The following HDLBP variants were observed in gnomAD, a reference collection of about 807,000 sequenced individuals.
The protein encoded by HDLBP is vigilin.
A neutral mutation model predicts 137.3 loss-of-function variants in HDLBP; 30 were observed. The ratio of observed to expected loss-of-function variants is 0.22; its 90% CI spans 0.16 to 0.30. The LOEUF is 0.30. Among genes scored for constraint, HDLBP ranks in the 10% least tolerant of loss-of-function variants. The pLI is 1.00. For missense variants in HDLBP, 1,119 were observed against 1,667.3 expected (o/e 0.67, Z 5.73); for synonymous variants, 606 against 596.0 (o/e 1.02, Z -0.24).
rs574871301 is a variant in HDLBP at position 241,284,742 on chromosome 2, G to A, written c.-102-16201C>T. ...CATTGTTGTCTGATTTTACAAAATT[G>A]CCAGTCACCCCAACATGTAGCAACC... On this transcript the variant is annotated intron_variant, in intron 1 of 27. Transcript: ENST00000310931. Among the ~76,000 whole-genome samples the A allele has an allele frequency of 4.6e-5, 7 of 152,270 alleles. No homozygotes were observed. In the South Asian group the frequency reaches 1.5e-3, roughly 32 times the overall value.
chr2:241,302,962 C>A (rs2075441636), intron 1 of HDLBP, among the ~76,000 whole-genome samples: 1 of 152,212 alleles, frequency 6.6e-6, no homozygotes, highest in Non-Finnish European at 1.5e-5. Context: ...TCACAGTGCC[C>A]TACCAATGCC....
chr2:241,256,411 G>A lies in HDLBP; in HGVS notation c.658-12C>T, dbSNP rs2072615208. The A allele has an allele frequency of 1.9e-6, 3 of 1,595,376 alleles. No individual in the cohort carries two copies. The highest frequency in any genetic ancestry group is 1.3e-5 in the African/African-American group (1 of 74,776). On this transcript the variant is annotated splice_polypyrimidine_tract_variant and intron_variant, in intron 6 of 27. Transcript: ENST00000310931. ...ACAGCACGTTTGTCCTGGAAAGGAAGGGATGATCTGATGAGAACAGGCCTT... is the reference window on the plus strand; with the variant it reads ...ACAGCACGTTTGTCCTGGAAAGGAAAGGATGATCTGATGAGAACAGGCCTT...
chr2:241,284,592 A>G (rs2074735584), intron 1 of HDLBP, among the ~76,000 whole-genome samples: 3 of 152,250 alleles, frequency 2.0e-5, no homozygotes, highest in Admixed American at 6.5e-5. Flanking sequence ...TGATAAAGCA[A>G]TGGCAGTGTT....
intron 23 of HDLBP, among the ~76,000 whole-genome samples, chr2:241,234,663 C>T (rs73013902): frequency 0.018 from 2,739 of 152,344 alleles, 48 homozygotes; most frequent in Non-Finnish European, 0.027. Flanking sequence ...CAGCGCTCCG[C>T]TCATACAATC....
At position 241,253,162 on chromosome 2, in the gene HDLBP, C is replaced by T. The variant is rs368183699; in HGVS notation, c.1294-127G>A. The T allele has an allele frequency of 4.2e-5, 29 of 683,270 alleles. No individual in the cohort carries two copies. In the East Asian group the frequency reaches 7.2e-4, roughly 17 times the overall value. The allele number at this position is 683,270 out of a possible 1,614,324, so 42.3% of individuals were successfully genotyped here. On this transcript the variant is annotated intron_variant, in intron 10 of 27. Transcript: ENST00000310931. ...GCTGTCAGGAATTGTTGGAGACTGC[C>T]CCTGCATCTCCCCTGAAAGATGCCT...
At position 241,266,876 on chromosome 2, in the gene HDLBP, T is replaced by C; in HGVS notation, c.-7A>G. On this transcript the variant is annotated 5_prime_UTR_variant, in exon 3 of 28. Coordinates refer to ENST00000310931, the MANE Select transcript of HDLBP (RefSeq NM_005336.6). ...AAACTGCAACGGAACTCATGGTTGA[T>C]CTCACACCTACACACAATCCGGGAA... 6.2e-7 allele frequency: 1 copy of C among 1,614,012 alleles called. No homozygotes were observed. The highest frequency in any genetic ancestry group is 8.5e-7 in the Non-Finnish European group (1 of 1,179,884).
At chr2:241,266,672 C>T in intron 3 of HDLBP, 122 bp downstream of exon 3, 1 of 717,772 alleles carries the variant, frequency 1.4e-6, no homozygotes, top group Non-Finnish European at 2.5e-6. Context: ...ATGTTGGACC[C>T]TCCCTGCCCC....
chr2:241,265,998 A>C (rs1356630104), intron 3 of HDLBP, among the ~76,000 whole-genome samples: 1 of 152,240 alleles, frequency 6.6e-6, no homozygotes, highest in African/African-American at 2.4e-5. Flanking sequence ...TATTTTAATT[A>C]ATTTTAAGAA....
intron 2 of HDLBP, among the ~76,000 whole-genome samples, 180 bp from the exon 3 acceptor site, chr2:241,267,086 G>A (rs766346028): frequency 9.2e-5 from 14 of 152,112 alleles, no homozygotes; most frequent in African/African-American, 2.9e-4. Flanking sequence ...TGATAAAAAG[G>A]GGGGAAAATG....
At chr2:241,304,292 T>C (rs1471900422) in intron 1 of HDLBP, among the ~76,000 whole-genome samples, 2 of 152,234 alleles carry the variant, frequency 1.3e-5, no homozygotes, top group African/African-American at 4.8e-5. Flanking sequence ...TGGCTTCACG[T>C]GTAACCCAGG....
chr2:241,249,153 T>C (rs1191775181), intron 12 of HDLBP, among the ~76,000 whole-genome samples: 4 of 152,090 alleles, frequency 2.6e-5, no homozygotes, highest in South Asian at 2.1e-4. Context: ...CTCAGGGCTA[T>C]AAAAGAGGTC....
rs369324635 is a variant in HDLBP, at chr2:241,298,235, G to A, written c.-103+17335C>T. On this transcript the variant is annotated intron_variant, in intron 1 of 27. Transcript: ENST00000310931. ...CAGAAAATTAGCTGGGCGTGGTGGC[G>A]CGTGCCTGTAATCTCAGCTACTCAG... Among the ~76,000 whole-genome samples the A allele has an allele frequency of 2.0e-5, 3 of 151,822 alleles. No homozygotes were observed. The South Asian group carries it at 6.2e-4, about 32-fold the overall frequency.
chr2:241,274,331 T>C (rs908597533), intron 1 of HDLBP, among the ~76,000 whole-genome samples: 20 of 152,028 alleles, frequency 1.3e-4, no homozygotes, highest in African/African-American at 4.8e-4. Context: ...AAGGATATCA[T>C]CAGCAAAGCC....
chr2:241,273,618 T>C (rs1160207573), intron 1 of HDLBP: 22 of 985,226 alleles, frequency 2.2e-5, no homozygotes, highest in Non-Finnish European at 2.4e-5. Context: ...TGTAGAGATG[T>C]CAGTCTGAAC....
intron 3 of HDLBP, chr2:241,266,475 G>A (rs533808034): frequency 9.2e-5 from 30 of 324,692 alleles, no homozygotes; most frequent in African/African-American, 5.5e-4. Context: ...ATGCTTCAGA[G>A]CCCAGATTTT....
chr2:241,232,874 A>C (rs2069940631), intron 24 of HDLBP, among the ~76,000 whole-genome samples: 1 of 151,934 alleles, frequency 6.6e-6, no homozygotes, highest in Non-Finnish European at 1.5e-5. Context: ...GTATGTGGGG[A>C]GGGAAGAGGA....
chr2:241,247,643 A>G (rs2071783211), intron 14 of HDLBP, among the ~76,000 whole-genome samples: 2 of 152,248 alleles, frequency 1.3e-5, no homozygotes, highest in Admixed American at 1.3e-4. Flanking sequence ...AAAAATAATA[A>G]ATCAGTATAT....
chr2:241,277,993 A>C (rs1031227728), intron 1 of HDLBP, among the ~76,000 whole-genome samples: 1 of 152,066 alleles, frequency 6.6e-6, no homozygotes. Flanking sequence ...ACAACAAAAT[A>C]ATACAACAAA....
At chr2:241,249,319 A>T (rs1559500556) in intron 12 of HDLBP, 2 of 471,064 alleles carry the variant, frequency 4.2e-6, no homozygotes, top group Non-Finnish European at 8.8e-6. Context: ...GGATACTTAA[A>T]GGCACCCAGA....
Sources: allele counts gnomAD v4.1 joint callset (sites outside exome capture counted in the v4.1 genomes callset), GRCh38; gene constraint gnomAD v4.1.1; transcripts MANE v1.5; gene names NCBI Gene and HGNC (gene_info 2026-07-23, HGNC 2026-07-21).